The following MAPKAPK5 variants were observed in gnomAD, a reference collection of about 807,000 sequenced individuals.
MAPKAPK5 encodes MAPK activated protein kinase 5, also known as MAP kinase-activated protein kinase 5.
MAPKAPK5 carries 30 observed loss-of-function variants against 65.1 expected under a neutral mutation model. That is an observed-to-expected ratio of 0.46 (90% CI 0.34 to 0.63). The LOEUF (loss-of-function observed/expected upper bound fraction) is 0.63, where lower values mean the gene tolerates loss of function less well. Ranked by LOEUF, MAPKAPK5 falls within the 20% of genes least tolerant of loss-of-function variation. The probability of loss-of-function intolerance (pLI) is 0.01; values close to 1 mark genes in which losing one functional copy is unlikely to be tolerated. For synonymous variants in MAPKAPK5, 179 were observed against 204.6 expected (o/e 0.87, Z 1.07); for missense variants, 433 against 581.4 (o/e 0.74, Z 2.63).
At chr12:111,888,464 A>G in intron 10 of MAPKAPK5, 24 bp from the exon 11 acceptor site, 1 of 1,611,326 alleles carries the variant, frequency 6.2e-7, no homozygotes, top group South Asian at 1.1e-5. Flanking sequence ...AATATGAAAA[A>G]CTGACGGCAG....
chr12:111,866,404 AT>A (rs1215508368), intron 3 of MAPKAPK5, among the ~76,000 whole-genome samples, 173 bp downstream of exon 3: 2 of 152,324 alleles, frequency 1.3e-5, no homozygotes, highest in African/African-American at 4.8e-5. Context: ...AGATCTGTCA[AT>A]ATCAAAGGCC....
intron 1 of MAPKAPK5, among the ~76,000 whole-genome samples, chr12:111,848,412 A>ATTT (rs57942830): frequency 5.7e-5 from 7 of 123,216 alleles, no homozygotes; most frequent in Admixed American, 1.7e-4. Flanking sequence ...CTTTTGCCCC[A>ATTT]TTTTTTTTTT....
chr12:111,857,608 G>A (rs1305430312), intron 1 of MAPKAPK5, among the ~76,000 whole-genome samples: 2 of 152,136 alleles, frequency 1.3e-5, no homozygotes, highest in Non-Finnish European at 2.9e-5. Flanking sequence ...ACTTCCTTTG[G>A]TAGTTCTTGT....
chr12:111,890,180 C>G, intron 13 of MAPKAPK5, 36 bp downstream of exon 13: 1 of 1,402,986 alleles, frequency 7.1e-7, no homozygotes, highest in Non-Finnish European at 9.9e-7. Context: ...CCCAGGAATG[C>G]AGACAAGTGA....
At position 111,900,851 on chromosome 12, in the gene MAPKAPK5, T is replaced by G. The variant is rs947369064; in HGVS notation, c.*7790T>G. 1.8e-5 allele frequency: 8 copies of G among 455,930 alleles called. No homozygotes were observed. The highest frequency in any genetic ancestry group is 3.5e-5 in the Non-Finnish European group (8 of 226,798). The allele number at this position is 455,930 out of a possible 1,614,324, so 28.2% of individuals were successfully genotyped here. On this transcript the variant is annotated 3_prime_UTR_variant, in exon 14 of 14. Transcript: ENST00000550735. Reference sequence around the variant, plus strand: ...AATGTCATACAATTTACGAGTGCCTTAAAGTTCATTGTATGGACCCTAATA... The same window carrying G: ...AATGTCATACAATTTACGAGTGCCTGAAAGTTCATTGTATGGACCCTAATA...
chr12:111,891,010 T>C (rs925048664), intron 13 of MAPKAPK5, among the ~76,000 whole-genome samples: 1 of 152,186 alleles, frequency 6.6e-6, no homozygotes, highest in Non-Finnish European at 1.5e-5. Flanking sequence ...ACTAGACTTA[T>C]GCTCCAGGAT....
chr12:111,847,208 T>G (rs958942159), intron 1 of MAPKAPK5, among the ~76,000 whole-genome samples: 1 of 151,370 alleles, frequency 6.6e-6, no homozygotes, highest in Non-Finnish European at 1.5e-5. Flanking sequence ...ATTAGCTGGG[T>G]GTGGTGGCAG....
At chr12:111,865,207 T>C in intron 1 of MAPKAPK5, 43 bp from the exon 2 acceptor site, 2 of 1,272,272 alleles carry the variant, frequency 1.6e-6, no homozygotes, top group Non-Finnish European at 2.2e-6. Context: ...GTTTGTTAAC[T>C]GAGGAATCAT....
intron 10 of MAPKAPK5, among the ~76,000 whole-genome samples, chr12:111,886,506 G>A (rs2070407434): frequency 6.6e-6 from 1 of 152,264 alleles, no homozygotes; most frequent in Non-Finnish European, 1.5e-5. Flanking sequence ...CCCCTCACAT[G>A]TATTAACTGT....
At chr12:111,855,450 G>A (rs2069203851) in intron 1 of MAPKAPK5, among the ~76,000 whole-genome samples, 1 of 151,848 alleles carries the variant, frequency 6.6e-6, no homozygotes, top group Non-Finnish European at 1.5e-5. Flanking sequence ...ATTATTTTTG[G>A]CAAATTGTGT....
In MAPKAPK5 at chr12:111,898,191, C is replaced by T. The variant is rs1276588513; in HGVS notation, c.*5130C>T. On this transcript the variant is annotated 3_prime_UTR_variant, in exon 14 of 14. Coordinates refer to ENST00000550735, the MANE Select transcript of MAPKAPK5 (RefSeq NM_003668.4). ...TGACCCCACAGTTTTTTTTTTGAGA[C>T]GGATTCTCACTCTGTTGCCCAGGTT... The T allele has an allele frequency of 6.6e-6, 1 of 151,368 alleles. No individual in the cohort carries two copies. Among genetic ancestry groups the T allele is most frequent in the African/African-American group, 2.4e-5 (1 of 41,194 alleles). The allele number at this position is 151,368 out of a possible 1,614,324, so 9.4% of individuals were successfully genotyped here. A position where few individuals can be genotyped will look rare whatever the true frequency, so the allele number is the denominator to read the frequency against.
At chr12:111,864,583 A>G (rs2069544031) in intron 1 of MAPKAPK5, among the ~76,000 whole-genome samples, 1 of 152,222 alleles carries the variant, frequency 6.6e-6, no homozygotes, top group Admixed American at 6.5e-5. Flanking sequence ...AGAGGCTAAC[A>G]TGCAATAGTT....
intron 1 of MAPKAPK5, among the ~76,000 whole-genome samples, chr12:111,845,863 C>T (rs934422629): frequency 6.6e-6 from 1 of 152,086 alleles, no homozygotes; most frequent in Non-Finnish European, 1.5e-5. Flanking sequence ...GCAGAGGTTG[C>T]AGTGAGCTGA....
In MAPKAPK5 at chr12:111,866,172, T is replaced by C; in HGVS notation, c.127T>C (p.Ser43Pro). ...SGPVRVCVKKSTQERFALKIL... is the reference protein window; with the variant it reads ...SGPVRVCVKKPTQERFALKIL... ...CAAATCTAGAGTCTGTGTAAAGAAA[T>C]CTACTCAAGAACGGTTTGCGCTGAA... Residue 43 changes from serine (S) to proline (P), a missense_variant, in exon 3 of 14, where the codon TCT (serine) becomes CCT (proline). By Grantham distance (74) the Ser-to-Pro change is moderately conservative. This residue lies in a region of MAPKAPK5 where 165 missense variants were observed against 180.0 expected (regional missense o/e 0.92). Coordinates refer to ENST00000550735, the MANE Select transcript of MAPKAPK5 (RefSeq NM_003668.4). 1.9e-6 allele frequency: 3 copies of C among 1,611,466 alleles called. No individual in the cohort carries two copies. Among genetic ancestry groups the C allele is most frequent in the Non-Finnish European group, 2.5e-6 (3 of 1,178,796 alleles).
rs2070686397 is a variant in MAPKAPK5 at position 111,893,193 on chromosome 12, C to T, written c.*132C>T. The T allele has an allele frequency of 1.7e-6, 1 of 598,558 alleles. No homozygotes were observed. The highest frequency in any genetic ancestry group is 3.2e-5 in the Admixed American group (1 of 30,830). 37.1% of individuals were successfully genotyped at this position (598,558 alleles called of 1,614,324 possible). ...AAAGCTGCTGTATAGATTTAGGGTGCAGGACTTAATAATAGTATAGTTATT... is the reference window on the plus strand; with the variant it reads ...AAAGCTGCTGTATAGATTTAGGGTGTAGGACTTAATAATAGTATAGTTATT... On this transcript the variant is annotated 3_prime_UTR_variant, in exon 14 of 14. Transcript: ENST00000550735.
At chr12:111,862,807 T>C (rs887164759) in intron 1 of MAPKAPK5, among the ~76,000 whole-genome samples, 10 of 152,230 alleles carry the variant, frequency 6.6e-5, no homozygotes, top group Non-Finnish European at 1.2e-4. Flanking sequence ...ACAAATCTTA[T>C]TTTCCATAGA....
chr12:111,869,136 T>C (rs1474250715), intron 5 of MAPKAPK5, among the ~76,000 whole-genome samples: 5 of 152,196 alleles, frequency 3.3e-5, no homozygotes, highest in Non-Finnish European at 5.9e-5. Context: ...TTAACTGCTT[T>C]GTAGACTGCA....
chr12:111,882,798 A>C, intron 8 of MAPKAPK5: 1 of 985,498 alleles, frequency 1.0e-6, no homozygotes, highest in Non-Finnish European at 1.2e-6. Context: ...AGTCCTCTCC[A>C]TGATCTGTGT....
intron 2 of MAPKAPK5, 21 bp downstream of exon 2, chr12:111,865,344 A>G (rs762194361): frequency 1.9e-6 from 3 of 1,549,386 alleles, no homozygotes; most frequent in African/African-American, 1.4e-5. Flanking sequence ...CATATGAGAA[A>G]CTATGGCAAA....
Sources: allele counts gnomAD v4.1 joint callset (sites outside exome capture counted in the v4.1 genomes callset), GRCh38; gene constraint gnomAD v4.1.1; regional missense constraint gnomAD v4.1.1; transcripts MANE v1.5; gene names NCBI Gene and HGNC (gene_info 2026-07-23, HGNC 2026-07-21).